Variants in CHRNB4 observed in about 807,000 individuals in gnomAD.
CHRNB4 encodes cholinergic receptor nicotinic beta 4 subunit.
In CHRNB4, 23 loss-of-function variants were observed where a neutral mutation model predicts 40.4. The observed-to-expected ratio is 0.57, with a 90% CI of 0.41 to 0.81. The LOEUF is 0.81. Among genes scored for constraint, CHRNB4 ranks in the 30% least tolerant of loss-of-function variants. The pLI is 0.00. For synonymous variants in CHRNB4, 285 were observed against 274.4 expected, an observed-to-expected ratio of 1.04 and a Z score of -0.38; for missense variants, 568 against 670.6, an observed-to-expected ratio of 0.85 and a Z score of 1.69.
chr15:78,628,752 C>T (rs1297119087), intron 5 of CHRNB4, among the ~76,000 whole-genome samples: 2 of 152,206 alleles, frequency 1.3e-5, no homozygotes, highest in Non-Finnish European at 2.9e-5. Context: ...TTCTGGGACA[C>T]CTAAAACAAA....
chr15:78,643,213 C>T (rs543896506), upstream of CHRNB4, among the ~76,000 whole-genome samples: 3 of 151,758 alleles, frequency 2.0e-5, no homozygotes, highest in East Asian at 1.9e-4. Flanking sequence ...ATTACAATAA[C>T]GTAAGGGCAG....
chr15:78,628,880 T>G, intron 5 of CHRNB4, 87 bp downstream of exon 5: 1 of 1,489,128 alleles, frequency 6.7e-7, no homozygotes. Context: ...TTGTCTCCTA[T>G]GAATTAACTG....
chr15:78,641,441 C>G (rs1441811698), upstream of CHRNB4, among the ~76,000 whole-genome samples: 1 of 152,212 alleles, frequency 6.6e-6, no homozygotes, highest in Non-Finnish European at 1.5e-5. Context: ...CTTGGTACAG[C>G]TGGGGAGACT....
At chr15:78,632,377 T>C (rs2053851520) in intron 2 of CHRNB4, among the ~76,000 whole-genome samples, 1 of 151,900 alleles carries the variant, frequency 6.6e-6, no homozygotes, top group Non-Finnish European at 1.5e-5. Flanking sequence ...GTGTGATCTT[T>C]GCTCACTGCA....
chr15:78,638,628 C>CG (rs67816453), intron 1 of CHRNB4, among the ~76,000 whole-genome samples: 103,219 of 150,170 alleles, frequency 0.69, 37,429 homozygotes, highest in Non-Finnish European at 0.82. Context: ...GCCGGGGGGC[C>CG]GGGGGGGTGG....
chr15:78,657,759 A>G (rs12915669), intron 2 of CHRNB4, among the ~76,000 whole-genome samples: 1 of 151,744 alleles, frequency 6.6e-6, no homozygotes, highest in Admixed American at 6.6e-5. Flanking sequence ...TCACTGTGTT[A>G]GCCAGGATAG....
intron 5 of CHRNB4, among the ~76,000 whole-genome samples, chr15:78,628,620 C>A (rs1034093129): frequency 3.3e-5 from 5 of 152,112 alleles, no homozygotes; most frequent in Admixed American, 3.3e-4. Flanking sequence ...CGGGTACCCA[C>A]GGCAGTATCC....
Position 78,640,780 on chromosome 15 carries a change from G to C in CHRNB4, c.55+299C>G, listed in dbSNP as rs532472131. On this transcript the variant is annotated intron_variant, in intron 1 of 5. Coordinates refer to ENST00000261751, the MANE Select transcript of CHRNB4 (RefSeq NM_000750.5). ...GATGACCCGCGGTGCCTGCAAAGCC[G>C]GTGTCATCCAGCCCACTGCCCAGCC... Among the ~76,000 whole-genome samples, 5 of 152,354 alleles carry C rather than the reference G, an allele frequency of 3.3e-5. No individual in the cohort carries two copies. In the East Asian group the frequency reaches 7.7e-4, roughly 24 times the overall value.
intron 6 of CHRNB4, among the ~76,000 whole-genome samples, chr15:78,650,227 G>T (rs1455290488): frequency 6.6e-6 from 1 of 152,188 alleles, no homozygotes; most frequent in African/African-American, 2.4e-5. Flanking sequence ...TTTGGCAGTG[G>T]GTGAGCCTAG....
intron 5 of CHRNB4, chr15:78,628,011 C>T (rs553867438): frequency 4.5e-4 from 69 of 152,110 alleles, no homozygotes; most frequent in African/African-American, 1.6e-3. Context: ...ATTAAAAATA[C>T]AAAAATTAGC....
chr15:78,628,629 C>G (rs529612982), intron 5 of CHRNB4, among the ~76,000 whole-genome samples: 3 of 152,252 alleles, frequency 2.0e-5, no homozygotes, highest in South Asian at 4.1e-4. Context: ...ACGGCAGTAT[C>G]CTGCTCATTC....
At chr15:78,640,100 C>T (rs1567131853) in intron 1 of CHRNB4, among the ~76,000 whole-genome samples, 1 of 152,202 alleles carries the variant, frequency 6.6e-6, no homozygotes, top group East Asian at 1.9e-4. Flanking sequence ...TGGACACACA[C>T]TCACAGTTTA....
Position 78,637,900 on chromosome 15 carries a change from C to A in CHRNB4, c.56-2313G>T, listed in dbSNP as rs77823196. Among the ~76,000 whole-genome samples, 283 of 152,292 alleles carry A rather than the reference C, an allele frequency of 1.9e-3. 6 individuals carry two copies. The East Asian group carries it at 0.048, about 26-fold the overall frequency. On this transcript the variant is annotated intron_variant, in intron 1 of 5. Transcript: ENST00000261751. ...AGATTCTGAGCCCTGCTTCTTATATCCAGGACCCCTTTCCCAGAGGCCAGC... is the reference window on the plus strand; with the variant it reads ...AGATTCTGAGCCCTGCTTCTTATATACAGGACCCCTTTCCCAGAGGCCAGC...
At chr15:78,644,234 C>G (rs939984497), upstream of CHRNB4, among the ~76,000 whole-genome samples, 1 of 151,338 alleles carries the variant, frequency 6.6e-6, no homozygotes, top group Non-Finnish European at 1.5e-5. Context: ...ATACGTAAGG[C>G]CTTTCATGAA....
In CHRNB4 at chr15:78,629,278, T is replaced by C. The variant is rs763926765; in HGVS notation, c.1027A>G (p.Thr343Ala). The change falls in exon 5 of 6, where the codon ACC becomes GCC. Residue 343 changes from threonine (T) to alanine (A), a missense_variant. By Grantham distance (58) the Thr-to-Ala change is moderately conservative. Coordinates refer to ENST00000261751, the MANE Select transcript of CHRNB4 (RefSeq NM_000750.5). The surrounding 1 kb of genome is among the most constrained non-coding windows in gnomAD (Gnocchi z 6.8). ...VKRCFLHKLP[T>A]FLFMKRPGPD... ...CCAGGGCGCTTCATGAAGAGGAAGG[T>C]AGGCAGCTTGTGCAGGAAGCAGCGC... 34 of 1,613,240 alleles carry C rather than the reference T, an allele frequency of 2.1e-5. No individual in the cohort carries two copies. Among genetic ancestry groups the C allele is most frequent in the Non-Finnish European group, 2.7e-5 (32 of 1,179,596 alleles).
At chr15:78,638,664 C>A (rs1468461118) in intron 1 of CHRNB4, among the ~76,000 whole-genome samples, 2 of 152,100 alleles carry the variant, frequency 1.3e-5, no homozygotes, top group Non-Finnish European at 2.9e-5. Context: ...GAATAAACAG[C>A]AGGGATACTG....
At chr15:78,631,241 C>T (rs374441948) in intron 3 of CHRNB4, 47 bp downstream of exon 3, 2 of 1,613,274 alleles carry the variant, frequency 1.2e-6, no homozygotes, top group Non-Finnish European at 1.7e-6. Flanking sequence ...CAAAGGGCAG[C>T]CCTAAAGAAA....
At chr15:78,645,273 CTT>C (rs1313557809), upstream of CHRNB4, among the ~76,000 whole-genome samples, 2 of 152,160 alleles carry the variant, frequency 1.3e-5, no homozygotes, top group East Asian at 3.9e-4. Flanking sequence ...CTTGACTTGC[CTT>C]TCTCTTGGAT....
rs71534208 is a variant in CHRNB4 at position 78,629,623 on chromosome 15, T to C, written c.682A>G (p.Ile228Val). ...SYVDVTYDFI[I>V]KRKPLFYTIN... ...GTGTAGAACAGAGGCTTGCGCTTGA[T>C]GATGAAGTCGTAAGTCACGTCCACG... The change falls in exon 5 of 6, where the codon ATC becomes GTC. Residue 228 changes from isoleucine (I) to valine (V), a missense_variant. Physicochemically the swap from Ile to Val is conservative, Grantham distance 29. Around this residue, in one of 4 missense-constraint regions of CHRNB4, gnomAD observed 127 missense variants for 167.4 expected, o/e 0.76. Coordinates refer to ENST00000261751, the MANE Select transcript of CHRNB4 (RefSeq NM_000750.5). This position sits in a 1 kb window ranked among gnomAD's most constrained non-coding sequence, Gnocchi z 6.8. 4.0e-5 allele frequency: 65 copies of C among 1,614,070 alleles called. 1 individual carries two copies. The East Asian group carries it at 1.3e-3, about 33-fold the overall frequency.
Sources: allele counts gnomAD v4.1 joint callset (sites outside exome capture counted in the v4.1 genomes callset), GRCh38; gene constraint gnomAD v4.1.1; regional missense constraint gnomAD v4.1.1; non-coding constraint Gnocchi (gnomAD v3.1); transcripts MANE v1.5; gene names NCBI Gene and HGNC (gene_info 2026-07-23, HGNC 2026-07-21).